The following ADAMTS3 variants were observed in gnomAD, a reference collection of about 807,000 sequenced individuals.
ADAMTS3 encodes the protein ADAM metallopeptidase with thrombospondin type 1 motif 3, also known as A disintegrin and metalloproteinase with thrombospondin motifs 3.
Under a neutral mutation model 129.0 loss-of-function variants are expected in ADAMTS3, and 73 were observed. The ratio of observed to expected loss-of-function variants is 0.57; its 90% CI spans 0.47 to 0.69. The LOEUF (loss-of-function observed/expected upper bound fraction) is 0.69. Among genes scored for constraint, ADAMTS3 ranks in the 30% least tolerant of loss-of-function variants. ADAMTS3 has a pLI of 0.00. For missense variants in ADAMTS3, 1,457 were observed against 1,514.5 expected, an observed-to-expected ratio of 0.96 and a Z score of 0.63; for synonymous variants, 477 against 510.8, an observed-to-expected ratio of 0.93 and a Z score of 0.89.
chr4:72,352,937 A>G (rs1720481070), intron 4 of ADAMTS3, among the ~76,000 whole-genome samples: 1 of 151,988 alleles, frequency 6.6e-6, no homozygotes, highest in South Asian at 2.1e-4. Flanking sequence ...GAAGAATCTT[A>G]AATATTTTGT....
intron 4 of ADAMTS3, among the ~76,000 whole-genome samples, chr4:72,346,135 A>T (rs1233406978): frequency 6.6e-6 from 1 of 152,114 alleles, no homozygotes; most frequent in African/African-American, 2.4e-5. Context: ...CACCAATTCT[A>T]GCATCAAAGC....
intron 3 of ADAMTS3, among the ~76,000 whole-genome samples, chr4:72,455,730 G>C (rs946520667): frequency 7.0e-6 from 1 of 143,116 alleles, no homozygotes; most frequent in South Asian, 2.1e-4. Flanking sequence ...TATCAAATTT[G>C]TAATTTTTAC....
intron 3 of ADAMTS3, among the ~76,000 whole-genome samples, chr4:72,531,951 TAAAGTTGTGC>T (rs1721055087): frequency 6.6e-6 from 1 of 151,406 alleles, no homozygotes; most frequent in Admixed American, 6.6e-5. Context: ...AAGAGGGAGT[TAAAGTTGTGC>T]AAAGTTAATC....
intron 4 of ADAMTS3, among the ~76,000 whole-genome samples, chr4:72,411,219 C>A (rs1722176814): frequency 6.6e-6 from 1 of 152,090 alleles, no homozygotes; most frequent in South Asian, 2.1e-4. Context: ...GTTGTTGAAT[C>A]GTACCATATG....
chr4:72,287,010 C>A (rs1718523321), intron 21 of ADAMTS3, among the ~76,000 whole-genome samples: 1 of 152,076 alleles, frequency 6.6e-6, no homozygotes, highest in South Asian at 2.1e-4. Context: ...CCCAAAATTC[C>A]TTTGTTGAAA....
intron 18 of ADAMTS3, among the ~76,000 whole-genome samples, chr4:72,297,864 T>C (rs1233757512): frequency 1.3e-5 from 2 of 152,140 alleles, no homozygotes; most frequent in East Asian, 3.9e-4. Context: ...GCATAGTCAG[T>C]TACACAGTCA....
intron 4 of ADAMTS3, among the ~76,000 whole-genome samples, chr4:72,361,289 T>C (rs931769534): frequency 2.0e-5 from 3 of 152,146 alleles, no homozygotes; most frequent in African/African-American, 7.2e-5. Flanking sequence ...TTATGTGAAA[T>C]AAATGAGATA....
At chr4:72,423,886 T>C (rs1722507094) in intron 3 of ADAMTS3, among the ~76,000 whole-genome samples, 1 of 152,096 alleles carries the variant, frequency 6.6e-6, no homozygotes, top group African/African-American at 2.4e-5. Context: ...AGAATAACAG[T>C]AGCTGGAATA....
chr4:72,499,748 A>G (rs1197316518), intron 3 of ADAMTS3, among the ~76,000 whole-genome samples: 1 of 152,080 alleles, frequency 6.6e-6, no homozygotes, highest in East Asian at 1.9e-4. Flanking sequence ...ACAATGCCCA[A>G]TAGTTTTTCA....
At chr4:72,507,192 T>G (rs1720185249) in intron 3 of ADAMTS3, among the ~76,000 whole-genome samples, 1 of 152,232 alleles carries the variant, frequency 6.6e-6, no homozygotes, top group Admixed American at 6.5e-5. Flanking sequence ...AAAAAAGAAC[T>G]ACAAAGCACC....
chr4:72,349,652 A>T (rs1009700005), intron 4 of ADAMTS3, among the ~76,000 whole-genome samples: 1 of 152,036 alleles, frequency 6.6e-6, no homozygotes, highest in Non-Finnish European at 1.5e-5. Context: ...GGTAACACTT[A>T]GACATTTTTT....
At position 72,538,510 on chromosome 4, in the gene ADAMTS3, A is replaced by G. The variant is rs190997037; in HGVS notation, c.504+9968T>C. ...TTCAGAATAACAAGAGAAAAAAAAA[A>G]GGTACACCAAGGTATGGCAAAAAAT... On this transcript the variant is annotated intron_variant, in intron 3 of 21. Transcript: ENST00000286657. Among the ~76,000 whole-genome samples the G allele has an allele frequency of 3.3e-3, 500 of 152,168 alleles. 3 individuals are homozygous for G. The highest frequency in any genetic ancestry group is 0.011 in the African/African-American group (456 of 41,534).
chr4:72,478,857 A>C (rs1353627707), intron 3 of ADAMTS3, among the ~76,000 whole-genome samples: 1 of 151,838 alleles, frequency 6.6e-6, no homozygotes, highest in Non-Finnish European at 1.5e-5. Flanking sequence ...TCAGGATACA[A>C]AATCAATGTA....
chr4:72,455,708 A>G (rs2109975418), intron 3 of ADAMTS3, among the ~76,000 whole-genome samples: 1 of 147,066 alleles, frequency 6.8e-6, no homozygotes, highest in East Asian at 2.0e-4. Context: ...TGTTAGTGAT[A>G]TCTGTCGGCT....
rs367954367 is a variant in ADAMTS3 at position 72,563,286 on chromosome 4, T to G, written c.97+4088A>C. On this transcript the variant is annotated intron_variant, in intron 2 of 21. Coordinates refer to ENST00000286657, the MANE Select transcript of ADAMTS3 (RefSeq NM_014243.3). ...TCATGCTCAATGGAGGGACAAAAGA[T>G]AAATCAGTAAAGCCAACTCCATTAC... Among the ~76,000 whole-genome samples, 15 of 152,210 alleles carry G rather than the reference T, an allele frequency of 9.9e-5. No individual in the cohort carries two copies. The East Asian group carries it at 1.7e-3, about 18-fold the overall frequency.
At chr4:72,410,397 T>C (rs1485210666) in intron 4 of ADAMTS3, among the ~76,000 whole-genome samples, 4 of 151,864 alleles carry the variant, frequency 2.6e-5, no homozygotes, top group Admixed American at 2.0e-4. Context: ...TGCAGGAAAA[T>C]GAAAATCCTG....
intron 3 of ADAMTS3, among the ~76,000 whole-genome samples, chr4:72,484,191 G>GAT (rs1209799400): frequency 6.6e-6 from 1 of 152,084 alleles, no homozygotes; most frequent in Non-Finnish European, 1.5e-5. Context: ...AAAGCAAAAA[G>GAT]ATAATAACAA....
At chr4:72,318,494 G>A (rs1719458309) in intron 10 of ADAMTS3, 78 bp downstream of exon 10, 2 of 1,470,398 alleles carry the variant, frequency 1.4e-6, no homozygotes, top group South Asian at 1.3e-5. Context: ...GCACCAGTGA[G>A]TCTGTAAATC....
chr4:72,364,787 C>T (rs1720827754), intron 4 of ADAMTS3, among the ~76,000 whole-genome samples: 1 of 152,116 alleles, frequency 6.6e-6, no homozygotes, highest in African/African-American at 2.4e-5. Context: ...CAAGGACTCA[C>T]TCTGTTGCCC....
Sources: allele counts gnomAD v4.1 joint callset (sites outside exome capture counted in the v4.1 genomes callset), GRCh38; gene constraint gnomAD v4.1.1; transcripts MANE v1.5; gene names NCBI Gene and HGNC (gene_info 2026-07-23, HGNC 2026-07-21).